The following HDAC5 variants were observed in gnomAD, a reference collection of about 807,000 sequenced individuals.
HDAC5 encodes the protein histone deacetylase 5.
A neutral mutation model predicts 133.3 loss-of-function variants in HDAC5; 25 were observed. The ratio of observed to expected loss-of-function variants is 0.19; its 90% confidence interval spans 0.14 to 0.26. HDAC5 has a LOEUF of 0.26. HDAC5 is among the 10% of genes least tolerant of loss of function. The probability of loss-of-function intolerance (pLI) is 1.00; values close to 1 mark genes in which losing one functional copy is unlikely to be tolerated. For synonymous variants in HDAC5, 589 were observed against 610.8 expected (o/e 0.96, Z 0.53); for missense variants, 1,041 against 1,460.5 (o/e 0.71, Z 4.68).
At chr17:44,106,175 C>T (rs1318443033) in intron 3 of HDAC5, among the ~76,000 whole-genome samples, 1 of 152,022 alleles carries the variant, frequency 6.6e-6, no homozygotes, top group Non-Finnish European at 1.5e-5. Flanking sequence ...AGCTGAGGGT[C>T]TCAAAAACAA....
chr17:44,117,348 T>C lies in HDAC5; in HGVS notation c.22+146A>G. ...ATTCCCAGGTCTACCTCATGGGCCC[T>C]TTCTTGCAACACTTCTCCACTCCTT... On this transcript the variant is annotated intron_variant, in intron 2 of 26. Transcript: ENST00000682912. The surrounding 1 kb of genome is among the most constrained non-coding windows in gnomAD (Gnocchi z 4.2). The C allele has an allele frequency of 1.1e-6, 1 of 946,040 alleles. No homozygotes were observed. The highest frequency in any genetic ancestry group is 2.4e-5 in the East Asian group (1 of 41,648). The allele number at this position is 946,040 out of a possible 1,614,324, so 58.6% of individuals were successfully genotyped here.
rs1231149443 is a variant in HDAC5 at position 44,077,714 on chromosome 17, G to A, written c.*662C>T. 1.3e-5 allele frequency: 2 copies of A among 152,368 alleles called. No individual in the cohort carries two copies. The highest frequency in any genetic ancestry group is 2.9e-5 in the Non-Finnish European group (2 of 68,158). The allele number at this position is 152,368 out of a possible 1,614,324, so 9.4% of individuals were successfully genotyped here. ...TCACCCTCTCAGCCCCGGGGAAGGG[G>A]AAGTAGGCTGTGAGGAGTGTGAGGC... is the stretch of plus-strand genomic sequence containing the variant. On this transcript the variant is annotated 3_prime_UTR_variant, in exon 27 of 27. Transcript: ENST00000682912.
chr17:44,092,075 G>C (rs1251010719), intron 9 of HDAC5, 97 bp downstream of exon 9: 1 of 1,126,102 alleles, frequency 8.9e-7, no homozygotes, highest in East Asian at 2.5e-5. Flanking sequence ...GTCTCTGCTG[G>C]GCACTCAGGC....
In HDAC5 at chr17:44,122,427, A is replaced by G. The variant is rs374977783; in HGVS notation, c.-190+1077T>C. Among the ~76,000 whole-genome samples, 11 of 151,916 alleles carry G rather than the reference A, an allele frequency of 7.2e-5. 1 individual carries two copies. In the South Asian group the frequency reaches 2.3e-3, roughly 32 times the overall value. ...CCCCTCCCAGTTGGACACTGAAACC[A>G]ATCACCACCACCTCCCCAAGCTCCA... On this transcript the variant is annotated intron_variant, in intron 1 of 26. Coordinates refer to ENST00000682912, the MANE Select transcript of HDAC5 (RefSeq NM_005474.5).
chr17:44,094,888 C>T (rs573335715), intron 3 of HDAC5, among the ~76,000 whole-genome samples: 13 of 152,160 alleles, frequency 8.5e-5, no homozygotes, highest in East Asian at 7.7e-4. Context: ...ATGACAGCCT[C>T]GACCTCAAGC....
chr17:44,093,409 T>TTG lies in HDAC5; in HGVS notation c.430_431insCA (p.Gln144ProfsTer41), dbSNP rs1425678557. The TTG allele has an allele frequency of 3.8e-6, 6 of 1,596,342 alleles. No individual in the cohort carries two copies. Among genetic ancestry groups the TTG allele is most frequent in the African/African-American group, 1.3e-5 (1 of 74,648 alleles). ...CTGCCGCTGCTGCTCCCGCTGCCGC[T>TTG]GCTGCTCCAGCTCCTGCTGCCGCTT... On this transcript the variant is annotated frameshift_variant, in exon 5 of 27. Coordinates refer to ENST00000682912, the MANE Select transcript of HDAC5 (RefSeq NM_005474.5). LOFTEE classifies it high-confidence loss of function.
intron 1 of HDAC5, among the ~76,000 whole-genome samples, chr17:44,118,560 T>C (rs180778995): frequency 1.3e-5 from 2 of 152,276 alleles, no homozygotes; most frequent in African/African-American, 4.8e-5. Flanking sequence ...GAGGAGGTAT[T>C]ACAGGACCAC....
chr17:44,117,601 T>TAACAGACAGACGGAC lies in HDAC5; in HGVS notation c.-101_-87dup. On this transcript the variant is annotated 5_prime_UTR_variant, in exon 2 of 27. Transcript: ENST00000682912. The surrounding 1 kb of genome is among the most constrained non-coding windows in gnomAD (Gnocchi z 4.2). Reference sequence around the variant, plus strand: ...CGGTGATGTCAAGAGAGACAGACGATAACAGACAGACGGACGGGACGGGAG... The same window carrying TAACAGACAGACGGAC: ...CGGTGATGTCAAGAGAGACAGACGATAACAGACAGACGGACAACAGACAGACGGACGGGACGGGAG... 6.7e-7 allele frequency: 1 copy of TAACAGACAGACGGAC among 1,502,132 alleles called. No individual in the cohort carries two copies. Among genetic ancestry groups the TAACAGACAGACGGAC allele is most frequent in the Non-Finnish European group, 9.2e-7 (1 of 1,086,708 alleles). 93.1% of individuals were successfully genotyped at this position (1,502,132 alleles called of 1,614,324 possible). A position where few individuals can be genotyped will look rare whatever the true frequency, so the allele number is the denominator to read the frequency against.
At position 44,117,463 on chromosome 17, in the gene HDAC5, G is replaced by A. The variant is rs1316184235; in HGVS notation, c.22+31C>T. 1 of 1,613,530 alleles carries A rather than the reference G, an allele frequency of 6.2e-7. No individual in the cohort carries two copies. The highest frequency in any genetic ancestry group is 8.5e-7 in the Non-Finnish European group (1 of 1,179,572). ...GCCCATTGCATCCGAAGCTACCCCA[G>A]GGTGCTCTTCTCCAACCTCCCAGCT... On this transcript the variant is annotated intron_variant, in intron 2 of 26. Coordinates refer to ENST00000682912, the MANE Select transcript of HDAC5 (RefSeq NM_005474.5). The surrounding 1 kb of genome is among the most constrained non-coding windows in gnomAD (Gnocchi z 4.2).
At chr17:44,078,962 A>C in intron 24 of HDAC5, 83 bp from the exon 25 acceptor site, 2 of 1,529,618 alleles carry the variant, frequency 1.3e-6, no homozygotes, top group South Asian at 2.2e-5. Flanking sequence ...TCAGCCCCAG[A>C]TATCCCTCAC....
At chr17:44,118,386 AAGG>A (rs2052780899) in intron 1 of HDAC5, among the ~76,000 whole-genome samples, 1 of 152,188 alleles carries the variant, frequency 6.6e-6, no homozygotes, top group South Asian at 2.1e-4. Context: ...TGCTCTGTGT[AAGG>A]AGGTCTGGCC....
intron 3 of HDAC5, among the ~76,000 whole-genome samples, chr17:44,101,039 T>C (rs1232726164): frequency 6.7e-6 from 1 of 150,336 alleles, no homozygotes; most frequent in African/African-American, 2.4e-5. Context: ...TCCGCCCGCC[T>C]CAGCCTCCCA....
rs148106429 is a variant in HDAC5, at chr17:44,087,578, C to T, written c.1718G>A (p.Arg573Gln). Residue 573 changes from arginine (R) to glutamine (Q), a missense_variant, in exon 13 of 27, where the codon CGG (arginine) becomes CAG (glutamine). By Grantham distance (43) the Arg-to-Gln change is conservative. Coordinates refer to ENST00000682912, the MANE Select transcript of HDAC5 (RefSeq NM_005474.5). ...GCTCTCACTCTCTGTGGAGCCCTCC[C>T]GGGGCATGGTCAGGGCTCCCTCCCC... ...LLGEGALTMP[R>Q]EGSTESESTQ... 2.5e-5 allele frequency: 40 copies of T among 1,614,022 alleles called. No homozygotes were observed. In the African/African-American group the frequency reaches 2.8e-4, roughly 11 times the overall value.
chr17:44,106,798 G>C (rs2051983072), intron 3 of HDAC5, among the ~76,000 whole-genome samples: 2 of 151,984 alleles, frequency 1.3e-5, no homozygotes, highest in African/African-American at 4.8e-5. Context: ...ATGTTGGTCA[G>C]GCTGGTCTCA....
chr17:44,092,828 G>GGGGGGGGGGGGGGGGGGC, intron 6 of HDAC5, 22 bp from the exon 7 acceptor site: 2 of 596,626 alleles, frequency 3.4e-6, no homozygotes, highest in East Asian at 3.5e-5. Context: ...GGGGGGTGGG[G>GGGGGGGGGGGGGGGGGGC]ATGGAAGCAG....
chr17:44,115,265 G>A (rs1210173659), intron 2 of HDAC5, among the ~76,000 whole-genome samples: 1 of 152,164 alleles, frequency 6.6e-6, no homozygotes, highest in African/African-American at 2.4e-5. Context: ...AAGTGTTCAG[G>A]GAAGTGAGGA....
chr17:44,086,069 C>G (rs747306301), intron 14 of HDAC5, among the ~76,000 whole-genome samples: 1 of 152,192 alleles, frequency 6.6e-6, no homozygotes, highest in Non-Finnish European at 1.5e-5. Context: ...TGAGTCTCAT[C>G]TCTGCCAGCT....
intron 2 of HDAC5, among the ~76,000 whole-genome samples, chr17:44,114,428 G>A (rs74456742): frequency 0.077 from 11,482 of 148,276 alleles, 1,158 homozygotes; most frequent in East Asian, 0.53. Flanking sequence ...GTCACCCAGA[G>A]AGCAGGCGTG....
intron 20 of HDAC5, 116 bp downstream of exon 20, chr17:44,082,469 G>A (rs2050440245): frequency 2.0e-5 from 16 of 785,556 alleles, no homozygotes; most frequent in South Asian, 7.7e-5. Context: ...CCCAGCACCC[G>A]AGGATGAGGA....
Sources: gnomAD v4.1 joint callset for allele counts (sites outside exome capture counted in the v4.1 genomes callset) on GRCh38, gnomAD v4.1.1 for gene constraint, Gnocchi (gnomAD v3.1) non-coding constraint, MANE v1.5 for transcripts, NCBI Gene and HGNC (gene_info 2026-07-23, HGNC 2026-07-21) for gene names.